Variants in FOXN3 observed in about 807,000 individuals in gnomAD.
The protein encoded by FOXN3 is forkhead box N3.
Under a neutral mutation model 38.4 loss-of-function variants are expected in FOXN3, and 7 were observed. That is an observed-to-expected ratio of 0.18 (90% confidence interval 0.10 to 0.34). FOXN3 has a LOEUF of 0.34. FOXN3 is among the 10% of genes least tolerant of loss of function. The pLI, the probability that FOXN3 is intolerant of heterozygous loss-of-function variation, is 1.00. For synonymous variants in FOXN3, 230 were observed against 242.2 expected, an observed-to-expected ratio of 0.95 and a Z score of 0.47; for missense variants, 456 against 613.4, an observed-to-expected ratio of 0.74 and a Z score of 2.71.
intron 1 of FOXN3, among the ~76,000 whole-genome samples, chr14:89,461,311 C>G (rs1350897712): frequency 6.6e-6 from 1 of 151,162 alleles, no homozygotes; most frequent in East Asian, 1.9e-4. Context: ...CACTCCAGGC[C>G]AGGCGACAGA....
chr14:89,291,645 G>C (rs985262496), intron 3 of FOXN3: 1 of 471,676 alleles, frequency 2.1e-6, no homozygotes, highest in East Asian at 5.5e-5. Context: ...ATCTGTGGCC[G>C]GCCACTCATG....
intron 3 of FOXN3, among the ~76,000 whole-genome samples, chr14:89,293,250 C>T (rs769577239): frequency 2.6e-5 from 4 of 152,258 alleles, no homozygotes; most frequent in Non-Finnish European, 5.9e-5. Context: ...CTTCCCCCCT[C>T]TGCCTTGCTT....
chr14:89,596,431 C>T (rs1291988918), intron 1 of FOXN3, among the ~76,000 whole-genome samples: 1 of 152,162 alleles, frequency 6.6e-6, no homozygotes, highest in African/African-American at 2.4e-5. Flanking sequence ...GACACTGTGC[C>T]CGGCCTTGTT....
chr14:89,245,290 G>T (rs1043434765), intron 4 of FOXN3, among the ~76,000 whole-genome samples: 7 of 152,072 alleles, frequency 4.6e-5, no homozygotes, highest in African/African-American at 1.7e-4. Flanking sequence ...TCTTCCTGAC[G>T]CTCCACGGAT....
At chr14:89,500,292 G>A (rs879292691) in intron 1 of FOXN3, among the ~76,000 whole-genome samples, 4 of 152,176 alleles carry the variant, frequency 2.6e-5, no homozygotes, top group Admixed American at 2.0e-4. Flanking sequence ...CCATCGGCAC[G>A]GATGGCCTAA....
At chr14:89,429,589 T>A (rs1053524855) in intron 1 of FOXN3, among the ~76,000 whole-genome samples, 1 of 151,870 alleles carries the variant, frequency 6.6e-6, no homozygotes, top group Non-Finnish European at 1.5e-5. Context: ...GCAAAAGGCA[T>A]GTGAAGTGGG....
At chr14:89,455,860 T>C (rs1892710843) in intron 1 of FOXN3, among the ~76,000 whole-genome samples, 2 of 152,124 alleles carry the variant, frequency 1.3e-5, no homozygotes. Context: ...TAATTAAGCT[T>C]CCTTAAAGGA....
chr14:89,374,930 T>G (rs1003482499), intron 2 of FOXN3, among the ~76,000 whole-genome samples: 2 of 143,670 alleles, frequency 1.4e-5, no homozygotes, highest in Non-Finnish European at 3.0e-5. Context: ...GGAGCTGAGA[T>G]CACACCATTG....
chr14:89,530,904 C>T (rs1043224155), intron 1 of FOXN3, among the ~76,000 whole-genome samples: 5 of 148,348 alleles, frequency 3.4e-5, no homozygotes, highest in South Asian at 2.1e-4. Flanking sequence ...CCACCACGCC[C>T]GGCCTCTATT....
intron 4 of FOXN3, among the ~76,000 whole-genome samples, chr14:89,254,459 A>G (rs1025182791): frequency 6.6e-6 from 1 of 152,186 alleles, no homozygotes; most frequent in Non-Finnish European, 1.5e-5. Context: ...CTGCACGGCC[A>G]GACAGACAGC....
intron 1 of FOXN3, among the ~76,000 whole-genome samples, chr14:89,535,737 T>A (rs927352497): frequency 6.6e-6 from 1 of 152,204 alleles, no homozygotes; most frequent in African/African-American, 2.4e-5. Flanking sequence ...GCCTACCCCA[T>A]TCAAGATCTT....
At chr14:89,467,800 C>CTTTCTTTTTTTTT (rs1383456566) in intron 1 of FOXN3, among the ~76,000 whole-genome samples, 2 of 57,898 alleles carry the variant, frequency 3.5e-5, no homozygotes, top group African/African-American at 1.1e-4. Flanking sequence ...TCTTTTCTTT[C>CTTTCTTTTTTTTT]TTTGTTTTTT....
rs559585622 is a variant in FOXN3 at position 89,164,481 on chromosome 14, C to T, written c.852-1512G>A. Among the ~76,000 whole-genome samples the T allele has an allele frequency of 8.5e-5, 13 of 152,298 alleles. No homozygotes were observed. In the South Asian group the frequency reaches 2.7e-3, roughly 32 times the overall value. On this transcript the variant is annotated intron_variant, in intron 5 of 5. Transcript: ENST00000557258. The surrounding 1 kb of genome is among the most constrained non-coding windows in gnomAD (Gnocchi z 4.3). ...ACCCCAACTGTAAGTACTCTTACAT[C>T]CCCTCCATAGAGGGCACTCCCCACC...
At chr14:89,344,365 T>C (rs577610333) in intron 3 of FOXN3, among the ~76,000 whole-genome samples, 1 of 151,756 alleles carries the variant, frequency 6.6e-6, no homozygotes, top group Admixed American at 6.6e-5. Context: ...GATGCTGGGA[T>C]TTCTTTGGAA....
chr14:89,192,240 T>C (rs1382996511), intron 4 of FOXN3, among the ~76,000 whole-genome samples: 1 of 146,740 alleles, frequency 6.8e-6, no homozygotes, highest in African/African-American at 2.5e-5. Flanking sequence ...AAGTATATTA[T>C]ATTAACCATT....
rs1890299231 is a variant in FOXN3 at position 89,370,856 on chromosome 14, T to G, written c.544-20048A>C. Reference sequence around the variant, plus strand: ...ACTTCATTTCTGGTGGTTACCCCCTTTAAGTACATAATGAAACTTGTAAGT... The same window carrying G: ...ACTTCATTTCTGGTGGTTACCCCCTGTAAGTACATAATGAAACTTGTAAGT... On this transcript the variant is annotated intron_variant, in intron 2 of 5. Coordinates refer to ENST00000557258, the MANE Select transcript of FOXN3 (RefSeq NM_005197.4). Among the ~76,000 whole-genome samples the G allele has an allele frequency of 2.0e-5, 3 of 152,322 alleles. No homozygotes were observed. In the South Asian group the frequency reaches 6.2e-4, roughly 32 times the overall value.
At chr14:89,296,052 T>C (rs1036631773) in intron 3 of FOXN3, among the ~76,000 whole-genome samples, 2 of 152,178 alleles carry the variant, frequency 1.3e-5, no homozygotes, top group African/African-American at 4.8e-5. Context: ...TAGTAAGTAA[T>C]AGATTAGGTA....
chr14:89,560,366 G>C (rs1281780375), intron 1 of FOXN3, among the ~76,000 whole-genome samples: 2 of 152,166 alleles, frequency 1.3e-5, no homozygotes, highest in East Asian at 3.8e-4. Context: ...GCCATGTACA[G>C]CCCCTGGATA....
intron 3 of FOXN3, among the ~76,000 whole-genome samples, chr14:89,317,213 C>T (rs1566954699): frequency 6.6e-6 from 1 of 152,192 alleles, no homozygotes; most frequent in Non-Finnish European, 1.5e-5. Context: ...AGTGAGGAAG[C>T]TCATAGGATG....
Sources: gnomAD v4.1 joint callset for allele counts (sites outside exome capture counted in the v4.1 genomes callset) on GRCh38, gnomAD v4.1.1 for gene constraint, Gnocchi (gnomAD v3.1) non-coding constraint, MANE v1.5 for transcripts, NCBI Gene and HGNC (gene_info 2026-07-23, HGNC 2026-07-21) for gene names.